Variants in RECQL5 observed in about 807,000 individuals in gnomAD.
RECQL5 encodes ATP-dependent DNA helicase Q5.
RECQL5 carries 88 observed loss-of-function variants against 103.4 expected under a neutral mutation model. That is an observed-to-expected ratio of 0.85 (90% CI 0.72 to 1.02). The LOEUF is 1.02. Among genes scored for constraint, RECQL5 ranks in the 50% least tolerant of loss-of-function variants. The pLI is 0.00. For synonymous variants in RECQL5, 552 were observed against 507.9 expected, an observed-to-expected ratio of 1.09 and a Z score of -1.17; for missense variants, 1,232 against 1,284.3, an observed-to-expected ratio of 0.96 and a Z score of 0.62.
chr17:75,628,306 G>C lies in RECQL5; in HGVS notation c.2717C>G (p.Ser906Cys), dbSNP rs368295731. The C allele has an allele frequency of 1.3e-4, 217 of 1,614,068 alleles. No individual in the cohort carries two copies. The highest frequency in any genetic ancestry group is 1.7e-4 in the Non-Finnish European group (198 of 1,180,050). The change falls in exon 18 of 20, where the codon TCC becomes TGC. Residue 906 changes from serine to cysteine, a missense_variant. Coordinates refer to ENST00000317905, the MANE Select transcript of RECQL5 (RefSeq NM_004259.7). ...NPTAQDPFQL[S>C]APGVSLKEAA... ...CTCCTTCAAGGAGACGCCAGGAGCGGAGAGCTGGAAGGGGTCTTGAGCCGT... is the reference window on the plus strand; with the variant it reads ...CTCCTTCAAGGAGACGCCAGGAGCGCAGAGCTGGAAGGGGTCTTGAGCCGT...
intron 8 of RECQL5, chr17:75,647,395 A>C (rs1367946682): frequency 1.3e-6 from 2 of 1,549,418 alleles, no homozygotes; most frequent in African/African-American, 2.7e-5. Flanking sequence ...ACTGGTATTC[A>C]AAGAGACAAT....
chr17:75,666,529 A>C lies in RECQL5; in HGVS notation c.29T>G (p.Phe10Cys). 1 of 1,614,176 alleles carries C rather than the reference A, an allele frequency of 6.2e-7. No homozygotes were observed. The highest frequency in any genetic ancestry group is 8.5e-7 in the Non-Finnish European group (1 of 1,180,038). MSSHHTTFP[F>C]DPERRVRSTL... ...ACTCCGGACTCGCCGCTCAGGGTCAAAAGGAAAGGTGGTATGGTGGCTGCT... is the reference window on the plus strand; with the variant it reads ...ACTCCGGACTCGCCGCTCAGGGTCACAAGGAAAGGTGGTATGGTGGCTGCT... Residue 10 changes from phenylalanine (F) to cysteine (C), a missense_variant, in exon 2 of 20, where the codon TTT (phenylalanine) becomes TGT (cysteine). Transcript: ENST00000317905.
intron 9 of RECQL5, 100 bp from the exon 10 acceptor site, chr17:75,631,349 AG>A: frequency 6.5e-7 from 1 of 1,530,126 alleles, no homozygotes; most frequent in Non-Finnish European, 9.0e-7. Context: ...TACCAGCTCA[AG>A]GGGGGATTGC....
In RECQL5 at chr17:75,640,109, C is replaced by G; in HGVS notation, c.1230-8441G>C. 7.0e-7 allele frequency: 1 copy of G among 1,427,050 alleles called. No individual in the cohort carries two copies. 88.4% of individuals were successfully genotyped at this position (1,427,050 alleles called of 1,614,324 possible). On this transcript the variant is annotated intron_variant, in intron 8 of 19. Coordinates refer to ENST00000317905, the MANE Select transcript of RECQL5 (RefSeq NM_004259.7). This position sits in a 1 kb window ranked among gnomAD's most constrained non-coding sequence, Gnocchi z 4.6. ...TGGGTGCGAGGGTGGAATCTCGGTG[C>G]TGCGACGAGTGTGGGGCCAGCCGTG...
intron 7 of RECQL5, among the ~76,000 whole-genome samples, chr17:75,651,722 A>G (rs979501832): frequency 3.9e-5 from 6 of 152,230 alleles, no homozygotes; most frequent in Admixed American, 3.3e-4. Context: ...ATTTTCTGGG[A>G]TGAGCTTTTG....
intron 8 of RECQL5, chr17:75,641,552 T>A (rs2059435725): frequency 6.6e-6 from 1 of 152,618 alleles, no homozygotes; most frequent in Non-Finnish European, 1.5e-5. Context: ...CACAGGCGGT[T>A]AACACCACGG....
rs1599059765 is a variant in RECQL5 at position 75,662,418 on chromosome 17, T to C, written c.771+61A>G. On this transcript the variant is annotated intron_variant, in intron 4 of 19. Coordinates refer to ENST00000317905, the MANE Select transcript of RECQL5 (RefSeq NM_004259.7). ...ACCAAAGGTCTTAGACTAATCTCCATCTCCATCACATCGCACCCCACTGCT... is the reference window on the plus strand; with the variant it reads ...ACCAAAGGTCTTAGACTAATCTCCACCTCCATCACATCGCACCCCACTGCT... 5 of 1,539,846 alleles carry C rather than the reference T, an allele frequency of 3.2e-6. No homozygotes were observed. The Middle Eastern group carries it at 6.4e-4, about 196-fold the overall frequency.
intron 8 of RECQL5, chr17:75,639,917 C>T: frequency 2.8e-6 from 1 of 352,078 alleles, no homozygotes. Flanking sequence ...CCACCAGCCG[C>T]CGCCTTGGCC....
chr17:75,629,752 C>T lies in RECQL5; in HGVS notation c.1903G>A (p.Glu635Lys), dbSNP rs779451535. The T allele has an allele frequency of 6.2e-7, 1 of 1,613,596 alleles. No individual in the cohort carries two copies. Among genetic ancestry groups the T allele is most frequent in the Non-Finnish European group, 8.5e-7 (1 of 1,179,766 alleles). ...KSCSAQAEPP[E>K]PNEYDIPPAS... Reference sequence around the variant, plus strand: ...GGTGGAATGTCATACTCATTGGGCTCCGGGGGCTCAGCTTGGGCACTGCAG... The same window carrying T: ...GGTGGAATGTCATACTCATTGGGCTTCGGGGGCTCAGCTTGGGCACTGCAG... Residue 635 changes from glutamate (E) to lysine (K), a missense_variant, in exon 15 of 20, where the codon GAG becomes AAG. Physicochemically the swap from Glu to Lys is moderately conservative, Grantham distance 56. Coordinates refer to ENST00000317905, the MANE Select transcript of RECQL5 (RefSeq NM_004259.7).
chr17:75,651,451 G>T (rs1349918884), intron 7 of RECQL5, among the ~76,000 whole-genome samples, 186 bp from the exon 8 acceptor site: 2 of 152,038 alleles, frequency 1.3e-5, no homozygotes, highest in African/African-American at 4.8e-5. Context: ...GTGAAACCCT[G>T]TCTCTACTAA....
chr17:75,630,659 C>G lies in RECQL5; in HGVS notation c.1678G>C (p.Ala560Pro). Residue 560 changes from alanine to proline, a missense_variant, in exon 13 of 20, where the codon GCG becomes CCG. Coordinates refer to ENST00000317905, the MANE Select transcript of RECQL5 (RefSeq NM_004259.7). ...GTTGACTGGCGGTTGCTGCTCAGCG[C>G]CTCCTCCAGAAGCCGCAGGCAGTGC... ...REHCLRLLEE[A>P]LSSNRQSTRT... The G allele has an allele frequency of 6.2e-7, 1 of 1,613,436 alleles. No individual in the cohort carries two copies. Among genetic ancestry groups the G allele is most frequent in the South Asian group, 1.1e-5 (1 of 91,082 alleles).
At chr17:75,642,905 C>T (rs2059449878) in intron 8 of RECQL5, among the ~76,000 whole-genome samples, 1 of 152,238 alleles carries the variant, frequency 6.6e-6, no homozygotes, top group Non-Finnish European at 1.5e-5. Flanking sequence ...GCTTACCACA[C>T]CCAGGGCTCT....
intron 8 of RECQL5, chr17:75,639,968 C>G: frequency 1.9e-6 from 1 of 522,746 alleles, no homozygotes; most frequent in Non-Finnish European, 3.3e-6. Context: ...CTGTCCTCAC[C>G]GGCTTCCTCC....
chr17:75,631,717 C>T, intron 8 of RECQL5, 49 bp from the exon 9 acceptor site: 1 of 1,584,946 alleles, frequency 6.3e-7, no homozygotes, highest in Non-Finnish European at 8.6e-7. Context: ...CCCAGTCGGC[C>T]AGCGTCTGTT....
intron 8 of RECQL5, chr17:75,638,228 A>C (rs1319552580): frequency 6.6e-6 from 1 of 152,194 alleles, no homozygotes; most frequent in Non-Finnish European, 1.5e-5. Context: ...TCACACCTGT[A>C]ATCCCAACAC....
chr17:75,666,254 C>G (rs940098365), intron 2 of RECQL5, among the ~76,000 whole-genome samples, 174 bp downstream of exon 2: 1 of 151,924 alleles, frequency 6.6e-6, no homozygotes, highest in African/African-American at 2.4e-5. Context: ...GCCAAGACCC[C>G]ATCTCTAATT....
At chr17:75,628,021 AAG>A (rs1160089477) in intron 18 of RECQL5, among the ~76,000 whole-genome samples, 195 bp downstream of exon 18, 4 of 150,114 alleles carry the variant, frequency 2.7e-5, no homozygotes, top group Non-Finnish European at 5.9e-5. Flanking sequence ...AAAAAAAAAA[AAG>A]AGAGCAGGAC....
chr17:75,661,990 C>A (rs945046931), intron 4 of RECQL5, among the ~76,000 whole-genome samples: 6 of 152,218 alleles, frequency 3.9e-5, no homozygotes, highest in African/African-American at 1.2e-4. Flanking sequence ...GGAGAAACCC[C>A]GTCTCTGCTA....
At chr17:75,660,877 G>T in intron 6 of RECQL5, 78 bp downstream of exon 6, 2 of 1,043,398 alleles carry the variant, frequency 1.9e-6, no homozygotes, top group Non-Finnish European at 3.0e-6. Flanking sequence ...CATGCACCTG[G>T]TCCTTTGGGC....
Sources: gnomAD v4.1 joint callset for allele counts (sites outside exome capture counted in the v4.1 genomes callset) on GRCh38, gnomAD v4.1.1 for gene constraint, Gnocchi (gnomAD v3.1) non-coding constraint, MANE v1.5 for transcripts, NCBI Gene and HGNC (gene_info 2026-07-23, HGNC 2026-07-21) for gene names.